ARID2: variants seen among roughly 807,000 people sequenced by gnomAD.
ARID2 encodes the protein AT-rich interactive domain-containing protein 2.
In ARID2, 32 loss-of-function variants were observed where a neutral mutation model predicts 184.6. The ratio of observed to expected loss-of-function variants is 0.17; its 90% confidence interval spans 0.13 to 0.23. The LOEUF is 0.23. Among genes scored for constraint, ARID2 ranks in the 10% least tolerant of loss-of-function variants. The pLI is 1.00. For missense variants in ARID2, 1,696 were observed against 2,197.6 expected (o/e 0.77, Z 4.56); for synonymous variants, 836 against 772.6 (o/e 1.08, Z -1.36).
intron 6 of ARID2, among the ~76,000 whole-genome samples, chr12:45,828,501 C>A (rs1943047182): frequency 6.6e-6 from 1 of 151,938 alleles, no homozygotes; most frequent in African/African-American, 2.4e-5. Flanking sequence ...ATTGCTAGGT[C>A]ATAGGGTATG....
At chr12:45,838,584 G>GT (rs997904437) in intron 10 of ARID2, among the ~76,000 whole-genome samples, 3 of 152,066 alleles carry the variant, frequency 2.0e-5, no homozygotes, top group African/African-American at 7.2e-5. Context: ...GGGCAACATA[G>GT]TGAGATCTCA....
At chr12:45,868,713 A>C (rs964143887) in intron 16 of ARID2, among the ~76,000 whole-genome samples, 3 of 152,160 alleles carry the variant, frequency 2.0e-5, no homozygotes, top group African/African-American at 4.8e-5. Flanking sequence ...ACTTATTGGC[A>C]ATCATCTTTC....
At chr12:45,768,253 T>A (rs2138019968) in intron 3 of ARID2, among the ~76,000 whole-genome samples, 1 of 152,060 alleles carries the variant, frequency 6.6e-6, no homozygotes, top group East Asian at 1.9e-4. Flanking sequence ...AAGTTCTGGA[T>A]GAGTGGGGCT....
At chr12:45,881,874 C>A in intron 16 of ARID2, 1 of 224,550 alleles carries the variant, frequency 4.5e-6, no homozygotes, top group Non-Finnish European at 8.8e-6. Flanking sequence ...CTCCTCCTCA[C>A]TGTGTCTGGG....
intron 3 of ARID2, among the ~76,000 whole-genome samples, chr12:45,766,760 C>A (rs2138017684): frequency 6.6e-6 from 1 of 152,096 alleles, no homozygotes; most frequent in Non-Finnish European, 1.5e-5. Flanking sequence ...GTGATCCGCC[C>A]ACCTCGGCCT....
chr12:45,905,268 T>C lies in ARID2; in HGVS notation c.*190T>C. ...TCCCTTTGTTCTCTGTTTAAAAAAA[T>C]CTAAAAAGAAAAAGGAAAAAAAAAA... On this transcript the variant is annotated 3_prime_UTR_variant, in exon 21 of 21. Transcript: ENST00000334344. 2.0e-6 allele frequency: 1 copy of C among 491,810 alleles called. No individual in the cohort carries two copies. Among genetic ancestry groups the C allele is most frequent in the Non-Finnish European group, 3.2e-6 (1 of 309,790 alleles). 30.5% of individuals were successfully genotyped at this position (491,810 alleles called of 1,614,324 possible).
At chr12:45,807,648 A>G (rs1942626901) in intron 3 of ARID2, among the ~76,000 whole-genome samples, 1 of 152,206 alleles carries the variant, frequency 6.6e-6, no homozygotes, top group Non-Finnish European at 1.5e-5. Context: ...CTTCTAAGAA[A>G]AAAATTTCTT....
At chr12:45,818,586 G>A (rs745990204) in intron 5 of ARID2, among the ~76,000 whole-genome samples, 19 of 152,060 alleles carry the variant, frequency 1.2e-4, no homozygotes, top group Non-Finnish European at 2.2e-4. Flanking sequence ...TTTTTTGCCA[G>A]AAGTATATCC....
intron 3 of ARID2, among the ~76,000 whole-genome samples, chr12:45,770,259 A>G (rs1379419759): frequency 5.3e-5 from 8 of 152,174 alleles, no homozygotes; most frequent in African/African-American, 1.7e-4. Context: ...TCTCAAAAAA[A>G]AAAACAAAAA....
rs565932952 is a variant in ARID2, at chr12:45,733,114, T to C, written c.284+1800T>C. Among the ~76,000 whole-genome samples the C allele has an allele frequency of 2.0e-5, 3 of 152,306 alleles. No individual in the cohort carries two copies. In the East Asian group the frequency reaches 5.8e-4, roughly 29 times the overall value. On this transcript the variant is annotated intron_variant, in intron 3 of 20. Coordinates refer to ENST00000334344, the MANE Select transcript of ARID2 (RefSeq NM_152641.4). ...AACTTGTTTTTCCTCCATATGTCAC[T>C]CTCTAGGTTTGTTTTTGCAGGGTTG...
chr12:45,903,008 T>C (rs1244188360), intron 20 of ARID2, among the ~76,000 whole-genome samples: 4 of 152,148 alleles, frequency 2.6e-5, no homozygotes, highest in African/African-American at 7.2e-5. Context: ...AGTTAAGAAA[T>C]AGAGCAATAT....
At chr12:45,831,922 T>C (rs1356755377) in intron 6 of ARID2, among the ~76,000 whole-genome samples, 1 of 152,236 alleles carries the variant, frequency 6.6e-6, no homozygotes, top group East Asian at 1.9e-4. Context: ...TTTCTTATTA[T>C]GTTGTCATAA....
intron 6 of ARID2, among the ~76,000 whole-genome samples, chr12:45,824,138 GATAC>G (rs1162285827): frequency 6.6e-6 from 1 of 152,014 alleles, no homozygotes; most frequent in African/African-American, 2.4e-5. Flanking sequence ...CAATAAATGT[GATAC>G]ATCACATCAA....
intron 1 of ARID2, 26 bp from the exon 2 acceptor site, chr12:45,730,018 A>G: frequency 6.2e-7 from 1 of 1,611,594 alleles, no homozygotes; most frequent in Non-Finnish European, 8.5e-7. Context: ...CCGGCTGACA[A>G]GTGCGGGGCT....
Position 45,860,895 on chromosome 12 carries a change from A to T in ARID2, c.4868A>T (p.Asp1623Val). ...SPFSGSSQPG[D>V]PMRKPGQNFM... Reference sequence around the variant, plus strand: ...TTCAGTGGATCCAGTCAGCCTGGAGATCCAATGAGAAAACCTGGACAGAAC... The same window carrying T: ...TTCAGTGGATCCAGTCAGCCTGGAGTTCCAATGAGAAAACCTGGACAGAAC... Residue 1623 changes from aspartate (D) to valine (V), a missense_variant, in exon 16 of 21, where the codon GAT becomes GTT. By Grantham distance (152) the Asp-to-Val change is radical. Coordinates refer to ENST00000334344, the MANE Select transcript of ARID2 (RefSeq NM_152641.4). The T allele has an allele frequency of 6.2e-7, 1 of 1,603,432 alleles. No individual in the cohort carries two copies. The highest frequency in any genetic ancestry group is 8.5e-7 in the Non-Finnish European group (1 of 1,174,754).
chr12:45,736,935 T>C (rs1941138125), intron 3 of ARID2, among the ~76,000 whole-genome samples: 1 of 152,210 alleles, frequency 6.6e-6, no homozygotes, highest in Admixed American at 6.5e-5. Context: ...CAGTAAATAG[T>C]GTAACACCAT....
At chr12:45,835,062 T>A (rs1943193590) in intron 6 of ARID2, among the ~76,000 whole-genome samples, 1 of 152,162 alleles carries the variant, frequency 6.6e-6, no homozygotes, top group Admixed American at 6.5e-5. Context: ...CATCCTTTTG[T>A]CTCTTTATAC....
intron 2 of ARID2, 41 bp from the exon 3 acceptor site, chr12:45,731,176 A>T (rs1353465192): frequency 4.3e-6 from 6 of 1,405,866 alleles, no homozygotes; most frequent in Admixed American, 1.7e-5. Context: ...AGATTTTCTT[A>T]GATTGTTCAC....
intron 15 of ARID2, among the ~76,000 whole-genome samples, chr12:45,857,777 T>G (rs1943675645): frequency 6.6e-6 from 1 of 152,154 alleles, no homozygotes; most frequent in Non-Finnish European, 1.5e-5. Flanking sequence ...CTCTTTTTTT[T>G]AATACAGAGC....
Sources: gnomAD v4.1 joint callset for allele counts (sites outside exome capture counted in the v4.1 genomes callset) on GRCh38, gnomAD v4.1.1 for gene constraint, MANE v1.5 for transcripts, NCBI Gene and HGNC (gene_info 2026-07-23, HGNC 2026-07-21) for gene names.